The following GTF2IRD1 variants were observed in gnomAD, a reference collection of about 807,000 sequenced individuals.
The protein encoded by GTF2IRD1 is general transcription factor II-I repeat domain-containing protein 1.
In GTF2IRD1, 26 loss-of-function variants were observed where a neutral mutation model predicts 113.2. The ratio of observed to expected loss-of-function variants is 0.23; its 90% CI spans 0.17 to 0.32. The LOEUF (loss-of-function observed/expected upper bound fraction) is 0.32. GTF2IRD1 is among the 10% of genes least tolerant of loss of function. The probability of loss-of-function intolerance (pLI) is 1.00; values close to 1 mark genes in which losing one functional copy is unlikely to be tolerated. For synonymous variants in GTF2IRD1, 484 were observed against 529.1 expected (o/e 0.91, Z 1.17); for missense variants, 864 against 1,280.8 (o/e 0.67, Z 4.97).
At chr7:74,590,026 C>G in intron 23 of GTF2IRD1, 98 bp downstream of exon 23, 1 of 711,230 alleles carries the variant, frequency 1.4e-6, no homozygotes, top group Non-Finnish European at 2.5e-6. Context: ...GAGCCCCCAG[C>G]TGGCTGCCTG....
Position 74,558,997 on chromosome 7 carries a change from G to T in GTF2IRD1, c.2244G>T (p.Leu748=). The T allele has an allele frequency of 6.2e-7, 1 of 1,614,074 alleles. No individual in the cohort carries two copies. The highest frequency in any genetic ancestry group is 8.5e-7 in the Non-Finnish European group (1 of 1,179,998). ...RKPCTFGSQN[L]ERILAVADKI... is the part of the protein sequence containing the mutation. ...CCTGTACCTTCGGCTCCCAGAACCT[G>T]GAGAGGATTCTTGCTGTGGCTGACA... is the stretch of plus-strand genomic sequence containing the variant. Residue 748 remains leucine (L), a synonymous_variant, in exon 21 of 27, where the codon CTG becomes CTT. Coordinates refer to ENST00000424337, the MANE Select transcript of GTF2IRD1 (RefSeq NM_005685.4).
intron 17 of GTF2IRD1, among the ~76,000 whole-genome samples, chr7:74,549,890 G>T (rs1433454937): frequency 1.3e-5 from 2 of 152,142 alleles, no homozygotes; most frequent in East Asian, 3.9e-4. Context: ...TACAAAATTA[G>T]CCGGGCGTGG....
At position 74,515,390 on chromosome 7, in the gene GTF2IRD1, G is replaced by A. The variant is rs782585415; in HGVS notation, c.266-51G>A. On this transcript the variant is annotated intron_variant, in intron 3 of 26. Transcript: ENST00000424337. The stretch of plus-strand genomic sequence containing the variant: ...GCAGCGACATCCCAGCTCGAAGGCC[G>A]GGTGGTGAGACGGGTGCTCACTGTG... 108 of 1,549,440 alleles carry A rather than the reference G, an allele frequency of 7.0e-5. 5 individuals carry two copies. Among genetic ancestry groups the A allele is most frequent in the Non-Finnish European group, 7.7e-5 (88 of 1,147,794 alleles).
chr7:74,471,672 TAA>T (rs66929736), intron 1 of GTF2IRD1, among the ~76,000 whole-genome samples: 39,753 of 104,654 alleles, frequency 0.38, 6,409 homozygotes, highest in East Asian at 0.51. Flanking sequence ...TTGAAATATT[TAA>T]AAAAAAAAAA....
chr7:74,593,062 G>T (rs587656161), intron 24 of GTF2IRD1, among the ~76,000 whole-genome samples: 44 of 151,764 alleles, frequency 2.9e-4, no homozygotes, highest in African/African-American at 9.7e-4. Context: ...TCACCATGTT[G>T]GCCAGGCTGG....
chr7:74,590,930 G>A lies in GTF2IRD1; in HGVS notation c.2504G>A (p.Arg835Gln), dbSNP rs374109819. 6.2e-6 allele frequency: 10 copies of A among 1,613,674 alleles called. No individual in the cohort carries two copies. Among genetic ancestry groups the A allele is most frequent in the African/African-American group, 4.0e-5 (3 of 75,018 alleles). ...GGTCTGCCTGATGACATCCCCTTCC[G>A]GAACCCCAACACGTACGACATCCAC... is the stretch of plus-strand genomic sequence containing the variant. ...VTGLPDDIPF[R>Q]NPNTYDIHRL... Residue 835 changes from arginine to glutamine, a missense_variant, in exon 24 of 27, where the codon CGG becomes CAG. Transcript: ENST00000424337.
At chr7:74,462,724 C>G (rs1030213822) in intron 1 of GTF2IRD1, among the ~76,000 whole-genome samples, 2 of 152,220 alleles carry the variant, frequency 1.3e-5, no homozygotes, top group South Asian at 4.1e-4. Context: ...ACCCACCCCC[C>G]ACATCAAGAG....
At position 74,538,711 on chromosome 7, in the gene GTF2IRD1, G is replaced by T. The variant is rs782315151; in HGVS notation, c.1479G>T (p.Pro493=). ...CCGGGGAGCTGGGCGGGCTGAGGCC[G>T]ATCAAAATTGAGCCAGAGGATCTGG... ...GTSGELGGLR[P]IKIEPEDLDI... is the part of the protein sequence containing the mutation. The change falls in exon 13 of 27, where the codon CCG becomes CCT. Residue 493 remains proline, a synonymous_variant. Coordinates refer to ENST00000424337, the MANE Select transcript of GTF2IRD1 (RefSeq NM_005685.4). The T allele has an allele frequency of 1.2e-6, 2 of 1,607,298 alleles. No individual in the cohort carries two copies. The highest frequency in any genetic ancestry group is 1.7e-6 in the Non-Finnish European group (2 of 1,173,778).
chr7:74,476,732 G>A (rs1794437189), intron 1 of GTF2IRD1, among the ~76,000 whole-genome samples: 1 of 152,108 alleles, frequency 6.6e-6, no homozygotes, highest in African/African-American at 2.4e-5. Flanking sequence ...TGGGGCCAGT[G>A]CTCCTGGGCC....
intron 8 of GTF2IRD1, among the ~76,000 whole-genome samples, chr7:74,524,363 C>T (rs587774218): frequency 9.9e-5 from 15 of 152,194 alleles, no homozygotes; most frequent in Admixed American, 9.2e-4. Context: ...CTTCAGGGGG[C>T]GGAACTGATG....
intron 2 of GTF2IRD1, among the ~76,000 whole-genome samples, chr7:74,510,910 A>G (rs1190807916): frequency 6.6e-6 from 1 of 152,068 alleles, no homozygotes; most frequent in Non-Finnish European, 1.5e-5. Context: ...TTAGCCAGGC[A>G]TGGTGATGCA....
At position 74,465,557 on chromosome 7, in the gene GTF2IRD1, G is replaced by A. The variant is rs912137287; in HGVS notation, c.-7+11381G>A. Reference sequence around the variant, plus strand: ...TTGCCAGGTTCTTGGGAAAATCAGTGTATTCAGTTGCGGGGAGCTAGCTGC... The same window carrying A: ...TTGCCAGGTTCTTGGGAAAATCAGTATATTCAGTTGCGGGGAGCTAGCTGC... On this transcript the variant is annotated intron_variant, in intron 1 of 26. Transcript: ENST00000424337. Among the ~76,000 whole-genome samples, 55 of 152,148 alleles carry A rather than the reference G, an allele frequency of 3.6e-4. 1 individual carries two copies. The highest frequency in any genetic ancestry group is 1.8e-4 in the Non-Finnish European group (12 of 68,022).
chr7:74,595,065 G>A lies in GTF2IRD1; in HGVS notation c.2629+14G>A, dbSNP rs782674901. 1.9e-6 allele frequency: 3 copies of A among 1,590,062 alleles called. No individual in the cohort carries two copies. Among genetic ancestry groups the A allele is most frequent in the East Asian group, 2.3e-5 (1 of 44,416 alleles). On this transcript the variant is annotated intron_variant, in intron 25 of 26. Coordinates refer to ENST00000424337, the MANE Select transcript of GTF2IRD1 (RefSeq NM_005685.4). ...CCAAGGTGCCAGGTGAGTCAGAGGT[G>A]AAGAAGCCACCCTTCTGCTCCGTGG...
At chr7:74,554,355 A>G (rs1412130382) in intron 17 of GTF2IRD1, among the ~76,000 whole-genome samples, 1 of 152,106 alleles carries the variant, frequency 6.6e-6, no homozygotes, top group Non-Finnish European at 1.5e-5. Flanking sequence ...AAGAAGGTTG[A>G]CTCATGTCTG....
At chr7:74,567,872 G>A (rs1305111137) in intron 22 of GTF2IRD1, among the ~76,000 whole-genome samples, 1 of 151,978 alleles carries the variant, frequency 6.6e-6, no homozygotes, top group African/African-American at 2.4e-5. Flanking sequence ...TGCAACCCCC[G>A]CCTCCCGGGT....
chr7:74,518,362 G>T (rs369842233), intron 5 of GTF2IRD1, 40 bp downstream of exon 5: 271 of 1,507,936 alleles, frequency 1.8e-4, no homozygotes, highest in Non-Finnish European at 2.3e-4. Context: ...CTGGGGCTGG[G>T]CCAGGGCCGG....
intron 22 of GTF2IRD1, among the ~76,000 whole-genome samples, chr7:74,582,138 G>T (rs1801453847): frequency 6.6e-6 from 1 of 152,258 alleles, no homozygotes; most frequent in Admixed American, 6.5e-5. Flanking sequence ...CACGATTCCT[G>T]TCGGGCAAGA....
At chr7:74,575,345 A>G (rs1271890836) in intron 22 of GTF2IRD1, among the ~76,000 whole-genome samples, 1 of 152,160 alleles carries the variant, frequency 6.6e-6, no homozygotes, top group Non-Finnish European at 1.5e-5. Context: ...TATCAGAGGA[A>G]GGTCAGGGGA....
chr7:74,496,573 G>A (rs201546287), intron 1 of GTF2IRD1, among the ~76,000 whole-genome samples: 1 of 138,714 alleles, frequency 7.2e-6, no homozygotes, highest in Non-Finnish European at 1.6e-5. Context: ...TACATGTGTG[G>A]GTGTGCATGT....
Sources: gnomAD v4.1 joint callset for allele counts (sites outside exome capture counted in the v4.1 genomes callset) on GRCh38, gnomAD v4.1.1 for gene constraint, MANE v1.5 for transcripts, NCBI Gene and HGNC (gene_info 2026-07-23, HGNC 2026-07-21) for gene names.